ZBTB20: variants seen among roughly 807,000 people sequenced by gnomAD.
The protein encoded by ZBTB20 is zinc finger and BTB domain-containing protein 20.
A neutral mutation model predicts 56.9 loss-of-function variants in ZBTB20; 9 were observed. The observed-to-expected ratio is 0.16, with a 90% CI of 0.10 to 0.28. The LOEUF is 0.28. Among genes scored for constraint, ZBTB20 ranks in the 10% least tolerant of loss-of-function variants. ZBTB20 has a pLI of 1.00. For synonymous variants in ZBTB20, 417 were observed against 420.7 expected (o/e 0.99, Z 0.11); for missense variants, 655 against 1,003.0 (o/e 0.65, Z 4.69).
intron 6 of ZBTB20, among the ~76,000 whole-genome samples, chr3:114,622,781 C>T (rs2058408047): frequency 6.6e-6 from 1 of 152,204 alleles, no homozygotes; most frequent in South Asian, 2.1e-4. Flanking sequence ...TCATCCATTG[C>T]TAAAGCATTT....
intron 4 of ZBTB20, among the ~76,000 whole-genome samples, chr3:114,838,820 T>C (rs945533593): frequency 6.6e-6 from 1 of 152,076 alleles, no homozygotes; most frequent in Non-Finnish European, 1.5e-5. Context: ...TATACCAAAA[T>C]AGACTGTAGT....
intron 6 of ZBTB20, among the ~76,000 whole-genome samples, chr3:114,609,936 G>T (rs142141237): frequency 6.6e-6 from 1 of 152,266 alleles, no homozygotes; most frequent in African/African-American, 2.4e-5. Context: ...GTCAACATTT[G>T]CAAGGTCTGT....
intron 5 of ZBTB20, among the ~76,000 whole-genome samples, chr3:114,781,734 A>C (rs1381152008): frequency 6.6e-6 from 1 of 152,172 alleles, no homozygotes; most frequent in Non-Finnish European, 1.5e-5. Context: ...GGAGGAACCC[A>C]GTGGGAGATA....
chr3:115,020,836 C>G (rs1012685162), intron 2 of ZBTB20, among the ~76,000 whole-genome samples: 2 of 150,986 alleles, frequency 1.3e-5, no homozygotes, highest in Non-Finnish European at 3.0e-5. Flanking sequence ...GTTGGATTGA[C>G]TCTACATTGA....
In ZBTB20 at chr3:114,355,832, GA is replaced by G. The variant is rs373101988; in HGVS notation, c.200-3955del. Among the ~76,000 whole-genome samples, 17 of 144,216 alleles carry G rather than the reference GA, an allele frequency of 1.2e-4. 1 individual carries two copies. Among genetic ancestry groups the G allele is most frequent in the Admixed American group, 2.8e-4 (4 of 14,520 alleles). The allele number at this position is 144,216 out of a possible 152,430, so 94.6% of individuals were successfully genotyped here. A position where few individuals can be genotyped will look rare whatever the true frequency, so the allele number is the denominator to read the frequency against. ...CTGAATAGGCATTTGGGCTATTCAA[GA>G]AAAAAAAAACACACACACACACACC... is the stretch of plus-strand genomic sequence containing the variant. On this transcript the variant is annotated intron_variant, in intron 10 of 11. Transcript: ENST00000675478.
chr3:114,643,594 CTGCATGTTTGAT>C (rs1049812199), intron 6 of ZBTB20, among the ~76,000 whole-genome samples: 7 of 152,188 alleles, frequency 4.6e-5, no homozygotes, highest in Middle Eastern at 3.4e-3. Flanking sequence ...ACATGTTTTC[CTGCATGTTTGAT>C]TGATTTCCTG....
At chr3:114,670,085 A>C (rs9861493) in intron 6 of ZBTB20, among the ~76,000 whole-genome samples, 20,061 of 152,004 alleles carry the variant, frequency 0.13, 3,073 homozygotes, top group African/African-American at 0.35. Flanking sequence ...GTCAAAGACA[A>C]CACATATTTT....
chr3:114,510,997 A>C (rs1246743447), intron 6 of ZBTB20, among the ~76,000 whole-genome samples: 1 of 152,030 alleles, frequency 6.6e-6, no homozygotes, highest in Admixed American at 6.6e-5. Flanking sequence ...ACTTTTCAAA[A>C]AAGAAAAAAA....
At chr3:114,354,587 G>GTTTTTTTTTTTT (rs10663657) in intron 10 of ZBTB20, among the ~76,000 whole-genome samples, 1 of 130,150 alleles carries the variant, frequency 7.7e-6, no homozygotes, top group Non-Finnish European at 1.6e-5. Flanking sequence ...TGTTTTGTTT[G>GTTTTTTTTTTTT]TTTTTTTTTT....
intron 6 of ZBTB20, among the ~76,000 whole-genome samples, chr3:114,526,172 C>T (rs868475642): frequency 1.3e-5 from 2 of 152,114 alleles, no homozygotes; most frequent in Non-Finnish European, 1.5e-5. Flanking sequence ...ACTCGATTTG[C>T]CCTTTGTCTC....
At chr3:115,085,950 C>A (rs1201469633) in intron 1 of ZBTB20, among the ~76,000 whole-genome samples, 1 of 151,746 alleles carries the variant, frequency 6.6e-6, no homozygotes, top group Non-Finnish European at 1.5e-5. Context: ...TTCATAAAAA[C>A]AATTTTTAAA....
chr3:114,985,216 T>C (rs1363531511), intron 2 of ZBTB20, among the ~76,000 whole-genome samples: 2 of 152,116 alleles, frequency 1.3e-5, no homozygotes, highest in African/African-American at 4.8e-5. Flanking sequence ...GTGTCATGCC[T>C]GGCACATAGT....
intron 6 of ZBTB20, among the ~76,000 whole-genome samples, chr3:114,573,144 T>C (rs2053615347): frequency 6.6e-6 from 1 of 152,040 alleles, no homozygotes; most frequent in South Asian, 2.1e-4. Flanking sequence ...ATCTTAGAAA[T>C]GACTGAAGAA....
At chr3:115,104,139 TA>T (rs2083657415) in intron 1 of ZBTB20, among the ~76,000 whole-genome samples, 2 of 152,094 alleles carry the variant, frequency 1.3e-5, no homozygotes, top group African/African-American at 2.4e-5. Context: ...ACATTAAAAA[TA>T]ACAATGACAT....
intron 10 of ZBTB20, among the ~76,000 whole-genome samples, chr3:114,355,112 C>G (rs555900778): frequency 6.6e-6 from 1 of 152,258 alleles, no homozygotes; most frequent in South Asian, 2.1e-4. Context: ...AAGAAAGACA[C>G]TGAAAGTAAT....
intron 4 of ZBTB20, among the ~76,000 whole-genome samples, chr3:114,871,941 G>T (rs1422036421): frequency 1.3e-5 from 2 of 151,962 alleles, no homozygotes; most frequent in Non-Finnish European, 2.9e-5. Context: ...TCTGTCTCCT[G>T]GTCCCAGTTC....
chr3:114,528,345 C>T (rs1052053295), intron 6 of ZBTB20, among the ~76,000 whole-genome samples: 3 of 152,014 alleles, frequency 2.0e-5, no homozygotes, highest in African/African-American at 7.2e-5. Flanking sequence ...TAATGGTAAA[C>T]ATGTTGATTT....
Position 114,484,758 on chromosome 3 carries a change from T to A in ZBTB20, c.-255+15594A>T, listed in dbSNP as rs145159084. Reference sequence around the variant, plus strand: ...AGAGGCCCCATTATAGGCAGATTTGTAATGCATCTAATAGGCAGGAGAAAA... The same window carrying A: ...AGAGGCCCCATTATAGGCAGATTTGAAATGCATCTAATAGGCAGGAGAAAA... On this transcript the variant is annotated intron_variant, in intron 7 of 11. Coordinates refer to ENST00000675478, the MANE Select transcript of ZBTB20 (RefSeq NM_001348800.3). 1.5e-3 allele frequency among the ~76,000 whole-genome samples: 231 copies of A among 152,092 alleles called. 2 individuals are homozygous for A. Among genetic ancestry groups the A allele is most frequent in the African/African-American group, 4.8e-3 (199 of 41,504 alleles).
intron 6 of ZBTB20, among the ~76,000 whole-genome samples, chr3:114,591,795 G>A (rs1372534855): frequency 6.6e-6 from 1 of 152,088 alleles, no homozygotes; most frequent in Non-Finnish European, 1.5e-5. Context: ...GAAGTGGTTA[G>A]TTATACTTAT....
Sources: allele counts gnomAD v4.1 joint callset (sites outside exome capture counted in the v4.1 genomes callset), GRCh38; gene constraint gnomAD v4.1.1; transcripts MANE v1.5; gene names NCBI Gene and HGNC (gene_info 2026-07-23, HGNC 2026-07-21).